The following SLC67A1 variants were observed in gnomAD, a reference collection of about 807,000 sequenced individuals.
SLC67A1 encodes the protein solute carrier family 67 member 1, also known as solute carrier family 67 member A1.
At chr11:2,916,278 C>T in the SLC67A1 span, 5 of 272,684 alleles carry the variant, frequency 1.8e-5, no homozygotes, top group Admixed American at 5.4e-5. Context: ...TGGAGCCTCT[C>T]CTGACCTTGG....
At chr11:2,909,726 C>T in the SLC67A1 span, 2 of 1,481,708 alleles carry the variant, frequency 1.3e-6, no homozygotes, top group East Asian at 2.6e-5. Flanking sequence ...TGGTGGGGGC[C>T]GGGGCGGAGT....
the SLC67A1 span, among the ~76,000 whole-genome samples, chr11:2,906,431 G>A: frequency 1.4e-4 from 21 of 152,290 alleles, no homozygotes; most frequent in East Asian, 7.7e-4. Flanking sequence ...TATGTTTATC[G>A]CGGCACTACC....
At chr11:2,904,793 C>T in the SLC67A1 span, among the ~76,000 whole-genome samples, 4 of 152,178 alleles carry the variant, frequency 2.6e-5, no homozygotes, top group African/African-American at 9.7e-5. Context: ...AGAAGGCAAC[C>T]TTGGAGCAGG....
the SLC67A1 span, among the ~76,000 whole-genome samples, chr11:2,905,905 C>A: frequency 6.6e-6 from 1 of 152,226 alleles, no homozygotes. Flanking sequence ...CAGTGGGTGC[C>A]CCCACAGAAG....
the SLC67A1 span, among the ~76,000 whole-genome samples, chr11:2,900,566 G>A: frequency 2.6e-5 from 4 of 151,712 alleles, no homozygotes; most frequent in African/African-American, 4.8e-5. Flanking sequence ...TGTGGCGGGC[G>A]CCTGTAGTCC....
chr11:2,913,487 A>G, the SLC67A1 span, among the ~76,000 whole-genome samples: 3 of 152,144 alleles, frequency 2.0e-5, no homozygotes, highest in African/African-American at 7.2e-5. Flanking sequence ...AGACACGAGG[A>G]CTGGGAAGGG....
the SLC67A1 span, chr11:2,914,887 G>A: frequency 3.1e-5 from 31 of 985,306 alleles, no homozygotes; most frequent in Middle Eastern, 5.2e-4. Context: ...TCCCTCCTGC[G>A]CCATACATCT....
At chr11:2,905,012 C>T in the SLC67A1 span, among the ~76,000 whole-genome samples, 1 of 152,122 alleles carries the variant, frequency 6.6e-6, no homozygotes, top group African/African-American at 2.4e-5. Flanking sequence ...GCTCAGGGAG[C>T]ACTGAAGATC....
At chr11:2,917,012 C>CAGGGAAGGTGCTAGGAGGGGAGGCCT in the SLC67A1 span, 110 of 492,818 alleles carry the variant, frequency 2.2e-4, 1 homozygote, top group South Asian at 3.8e-4. Context: ...AGGGGAGGCC[C>CAGGGAAGGTGCTAGGAGGGGAGGCCT]AGACAGGGAA....
chr11:2,922,066 C>A, the SLC67A1 span: 1 of 1,511,754 alleles, frequency 6.6e-7, no homozygotes, highest in Non-Finnish European at 9.2e-7. Context: ...CCTCGCCTCC[C>A]CCATACCCAC....
At chr11:2,902,020 C>T in the SLC67A1 span, among the ~76,000 whole-genome samples, 1 of 152,224 alleles carries the variant, frequency 6.6e-6, no homozygotes, top group Non-Finnish European at 1.5e-5. Flanking sequence ...TCAGAGTGTC[C>T]ACCTCCAGCA....
At chr11:2,918,031 C>T in the SLC67A1 span, 1 of 1,613,694 alleles carries the variant, frequency 6.2e-7, no homozygotes, top group Non-Finnish European at 8.5e-7. Flanking sequence ...CCATCGCCTC[C>T]CTGCTGCGGC....
the SLC67A1 span, chr11:2,922,298 C>T: frequency 6.7e-7 from 1 of 1,496,946 alleles, no homozygotes; most frequent in East Asian, 2.3e-5. Flanking sequence ...TTGGGGACTC[C>T]TCCAGCCCCC....
the SLC67A1 span, among the ~76,000 whole-genome samples, chr11:2,904,831 G>A: frequency 2.8e-4 from 42 of 152,344 alleles, no homozygotes; most frequent in African/African-American, 1.0e-3. Flanking sequence ...GAGGCCCCGG[G>A]GCAGTGGAGA....
chr11:2,904,664 CT>C, the SLC67A1 span, among the ~76,000 whole-genome samples: 1 of 152,248 alleles, frequency 6.6e-6, no homozygotes, highest in Non-Finnish European at 1.5e-5. Context: ...GGAGCTGACC[CT>C]GATGTCAGAA....
chr11:2,915,427 G>A, the SLC67A1 span, among the ~76,000 whole-genome samples: 137,149 of 152,176 alleles, frequency 0.9, 61,855 homozygotes, highest in Middle Eastern at 0.92. Context: ...CCCCTACTGG[G>A]TGCCTGTGCC....
the SLC67A1 span, chr11:2,908,311 G>A: frequency 6.2e-7 from 1 of 1,613,510 alleles, no homozygotes; most frequent in Non-Finnish European, 8.5e-7. Context: ...GCAGCTGCTG[G>A]GCGGGCCGGT....
At chr11:2,903,064 T>C in the SLC67A1 span, 1 of 532,736 alleles carries the variant, frequency 1.9e-6, no homozygotes. Context: ...GAGCAGCTTG[T>C]CCCTGTCTCC....
the SLC67A1 span, among the ~76,000 whole-genome samples, chr11:2,914,010 C>G: frequency 1.9e-5 from 2 of 104,848 alleles, no homozygotes; most frequent in East Asian, 7.4e-4. Context: ...GGCCCCAGAA[C>G]AGTGGAGTTA....
Sources: gnomAD v4.1 joint callset for allele counts (sites outside exome capture counted in the v4.1 genomes callset) on GRCh38, gnomAD v4.1.1 for gene constraint, MANE v1.5 for transcripts, NCBI Gene and HGNC (gene_info 2026-07-23, HGNC 2026-07-21) for gene names.